The following RDH16 variants were observed in gnomAD, a reference collection of about 807,000 sequenced individuals.
RDH16 encodes the protein human epidermal retinol dehydrogenase.
In RDH16, 25 loss-of-function variants were observed where a neutral mutation model predicts 22.3. That is an observed-to-expected ratio of 1.12 (90% CI 0.82 to 1.56). RDH16 has a LOEUF of 1.56. Ranked by LOEUF, RDH16 falls within the 40% of genes most tolerant of loss-of-function variation. RDH16 has a pLI of 0.00. For missense variants in RDH16, 413 were observed against 394.9 expected (o/e 1.05, Z -0.39); for synonymous variants, 154 against 164.4 (o/e 0.94, Z 0.48).
chr12:56,955,861 C>A (rs760446909), intron 1 of RDH16, among the ~76,000 whole-genome samples: 7 of 152,158 alleles, frequency 4.6e-5, no homozygotes, highest in Non-Finnish European at 8.8e-5. Context: ...CAGAAAATGT[C>A]ACCCTCTCCT....
intron 2 of RDH16, 23 bp from the exon 3 acceptor site, chr12:56,953,013 G>A (rs760949091): frequency 3.2e-6 from 5 of 1,584,344 alleles, no homozygotes; most frequent in Non-Finnish European, 3.4e-6. Context: ...GAAGCAGAGG[G>A]GAAAAACTTC....
chr12:56,955,849 C>G (rs577564987), intron 1 of RDH16, among the ~76,000 whole-genome samples: 1 of 152,236 alleles, frequency 6.6e-6, no homozygotes, highest in East Asian at 1.9e-4. Context: ...CACCCTCTGC[C>G]CCAGAAAATG....
At position 56,952,196 on chromosome 12, in the gene RDH16, A is replaced by G. The variant is rs770370819; in HGVS notation, c.787T>C (p.Leu263=). ...MEQKCTQDLS[L]VTNCMEHALI... ...GCATGCTCCATGCAGTTGGTCACCA[A>G]CGACAGATCCTGTGTGCACTTCTGC... Residue 263 remains leucine, a synonymous_variant, in exon 4 of 4, where the codon TTG becomes CTG. Transcript: ENST00000398138. 9 of 1,614,086 alleles carry G rather than the reference A, an allele frequency of 5.6e-6. No homozygotes were observed. The African/African-American group carries it at 1.2e-4, about 22-fold the overall frequency.
rs760443742 is a variant in RDH16, at chr12:56,952,222, T to C, written c.761A>G (p.Glu254Gly). The C allele has an allele frequency of 4.3e-6, 7 of 1,613,956 alleles. No homozygotes were observed. The South Asian group carries it at 7.7e-5, about 18-fold the overall frequency. Residue 254 changes from glutamate to glycine, a missense_variant, in exon 4 of 4, where the codon GAG becomes GGG. Coordinates refer to ENST00000398138, the MANE Select transcript of RDH16 (RefSeq NM_003708.5). Reference protein sequence around the residue: ...ADYKKSAEQMEQKCTQDLSLV... With the variant: ...ADYKKSAEQMGQKCTQDLSLV... ...CGACAGATCCTGTGTGCACTTCTGC[T>C]CCATTTGTTCAGCTGATTTCTTATC... is the stretch of plus-strand genomic sequence containing the variant.
intron 2 of RDH16, among the ~76,000 whole-genome samples, chr12:56,953,495 A>T (rs1236491845): frequency 1.3e-5 from 2 of 152,206 alleles, no homozygotes; most frequent in African/African-American, 2.4e-5. Context: ...TCCCCTGAGC[A>T]AATCCCTTTT....
rs764532243 is a variant in RDH16, at chr12:56,952,929, C to T, written c.634G>A (p.Ala212Thr). Residue 212 changes from alanine to threonine, a missense_variant, in exon 3 of 4, where the codon GCT becomes ACT. Ala to Thr is a moderately conservative substitution (Grantham distance 58, BLOSUM62 0). Transcript: ENST00000398138. ...AAGAATCTCTCCTTACTGGTCACAG[C>T]AGTCTTGAAATAGCCAGGTTCAATC... ...AMIEPGYFKTAVTSKERFLKS... is the reference protein window; with the variant it reads ...AMIEPGYFKTTVTSKERFLKS... 15 of 1,613,972 alleles carry T rather than the reference C, an allele frequency of 9.3e-6. No homozygotes were observed. The highest frequency in any genetic ancestry group is 1.3e-5 in the African/African-American group (1 of 74,914).
intron 1 of RDH16, among the ~76,000 whole-genome samples, chr12:56,955,890 C>T (rs1955924321): frequency 6.6e-6 from 1 of 152,166 alleles, no homozygotes; most frequent in African/African-American, 2.4e-5. Context: ...ATCAGAAGCC[C>T]ACTCTTCATC....
At chr12:56,956,769 G>T (rs1185446055) in intron 1 of RDH16, among the ~76,000 whole-genome samples, 1 of 152,100 alleles carries the variant, frequency 6.6e-6, no homozygotes, top group African/African-American at 2.4e-5. Flanking sequence ...TCCAGCACAG[G>T]CACAGCCTCC....
rs369508470 is a variant in RDH16, at chr12:56,957,403, C to T, written c.60G>A (p.Glu20=). Residue 20 remains glutamate (E), a synonymous_variant, in exon 1 of 4, where the codon GAG becomes GAA. Transcript: ENST00000398138. ...GLYYLLHWYR[E]RQVLSHLRDK... ...CTCTCAGGTGGCTCAGCACCTGCCT[C>T]TCCCGGTACCAGTGCAGAAGGTAGT... 3 of 1,614,028 alleles carry T rather than the reference C, an allele frequency of 1.9e-6. No homozygotes were observed. The African/African-American group carries it at 4.0e-5, about 22-fold the overall frequency.
chr12:56,951,988 G>C lies in RDH16; in HGVS notation c.*41C>G. 1.9e-6 allele frequency: 3 copies of C among 1,578,796 alleles called. No homozygotes were observed. The highest frequency in any genetic ancestry group is 2.6e-6 in the Non-Finnish European group (3 of 1,149,270). On this transcript the variant is annotated 3_prime_UTR_variant, in exon 4 of 4. Transcript: ENST00000398138. ...TCCCAAGGATACACCACCCCTCATA[G>C]CACACCCCAAATCCATGCAACCATG...
intron 2 of RDH16, among the ~76,000 whole-genome samples, chr12:56,953,802 C>G (rs1955903899): frequency 6.6e-6 from 1 of 152,194 alleles, no homozygotes; most frequent in Admixed American, 6.5e-5. Context: ...CTCCAGGACT[C>G]TCCTCAACTC....
chr12:56,955,336 A>C (rs528604290), intron 1 of RDH16, among the ~76,000 whole-genome samples, 172 bp from the exon 2 acceptor site: 1 of 152,270 alleles, frequency 6.6e-6, no homozygotes, highest in African/African-American at 2.4e-5. Flanking sequence ...AGCATTCAGC[A>C]GCTGGTGGGC....
At chr12:56,952,679 C>G in intron 3 of RDH16, 148 bp downstream of exon 3, 1 of 962,610 alleles carries the variant, frequency 1.0e-6, no homozygotes, top group Non-Finnish European at 1.5e-6. Flanking sequence ...CCACACAGCA[C>G]CCATCATGGA....
chr12:56,957,450 G>C lies in RDH16; in HGVS notation c.13C>G (p.Leu5Val). The change falls in exon 1 of 4, where the codon CTG (leucine) becomes GTG (valine). Residue 5 changes from leucine (L) to valine (V), a missense_variant. Coordinates refer to ENST00000398138, the MANE Select transcript of RDH16 (RefSeq NM_003708.5). Reference protein sequence around the residue: MWLYLAVFVGLYYLL... With the variant: MWLYVAVFVGLYYLL... ...TAGTACAGGCCCACGAAAACCGCCAGGTAGAGCCACATGGCTTTGCAGAGG... is the reference window on the plus strand; with the variant it reads ...TAGTACAGGCCCACGAAAACCGCCACGTAGAGCCACATGGCTTTGCAGAGG... The C allele has an allele frequency of 6.2e-7, 1 of 1,611,348 alleles. No individual in the cohort carries two copies. Among genetic ancestry groups the C allele is most frequent in the South Asian group, 1.1e-5 (1 of 90,800 alleles).
rs375015081 is a variant in RDH16 at position 56,954,970 on chromosome 12, A to G, written c.508T>C (p.Ser170Pro). 5 of 1,614,016 alleles carry G rather than the reference A, an allele frequency of 3.1e-6. No individual in the cohort carries two copies. The highest frequency in any genetic ancestry group is 4.2e-6 in the Non-Finnish European group (5 of 1,180,018). Residue 170 changes from serine to proline, a missense_variant, in exon 2 of 4, where the codon TCA becomes CCA. Transcript: ENST00000398138. ...ATGCAGTAGCCTCCACCAAAAAGTG[A>G]CACCCGGCCCATGACACTGGAGACG... The part of the protein sequence containing the change: ...VNVSSVMGRV[S>P]LFGGGYCISK...
intron 3 of RDH16, among the ~76,000 whole-genome samples, chr12:56,952,600 G>A (rs553251081): frequency 6.6e-5 from 10 of 152,292 alleles, no homozygotes; most frequent in East Asian, 1.9e-4. Context: ...CCTCAGTAAC[G>A]ATGGGTTCAG....
intron 3 of RDH16, among the ~76,000 whole-genome samples, chr12:56,952,578 C>A (rs1955890910): frequency 6.6e-6 from 1 of 152,206 alleles, no homozygotes; most frequent in South Asian, 2.1e-4. Flanking sequence ...CCCTTTCTGG[C>A]TTCCCTTTGT....
Position 56,952,833 on chromosome 12 carries a change from C to A in RDH16, c.730G>T (p.Ala244Ser), listed in dbSNP as rs1955894392. The A allele has an allele frequency of 6.2e-7, 1 of 1,612,582 alleles. No individual in the cohort carries two copies. The highest frequency in any genetic ancestry group is 8.5e-7 in the Non-Finnish European group (1 of 1,179,428). ...VKEAYGEKFV[A>S]DYKKSAEQME... The stretch of plus-strand genomic sequence containing the variant: ...CTGTCCACAGCTTACTCACAGTCTG[C>A]AACAAACTTCTCGCCATAGGCCTCC... The change falls in exon 3 of 4, where the codon GCA becomes TCA. Residue 244 changes from alanine to serine, a missense_variant. Physicochemically the swap from Ala to Ser is moderately conservative, Grantham distance 99. Transcript: ENST00000398138.
At position 56,952,917 on chromosome 12, in the gene RDH16, T is replaced by A; in HGVS notation, c.646A>T (p.Lys216Ter). The A allele has an allele frequency of 6.2e-7, 1 of 1,614,088 alleles. No homozygotes were observed. The highest frequency in any genetic ancestry group is 8.5e-7 in the Non-Finnish European group (1 of 1,180,010). ...AGGAAGCTCTTTAAGAATCTCTCCT[T>A]ACTGGTCACAGCAGTCTTGAAATAG... ...PGYFKTAVTS[K>*]ERFLKSFLEI... Residue 216 changes from lysine to a stop codon, truncating the protein, a stop_gained, in exon 3 of 4, where the codon AAG (lysine) becomes TAG (stop). Coordinates refer to ENST00000398138, the MANE Select transcript of RDH16 (RefSeq NM_003708.5). LOFTEE classifies it high-confidence loss of function.
Sources: gnomAD v4.1 joint callset for allele counts (sites outside exome capture counted in the v4.1 genomes callset) on GRCh38, gnomAD v4.1.1 for gene constraint, MANE v1.5 for transcripts, NCBI Gene and HGNC (gene_info 2026-07-23, HGNC 2026-07-21) for gene names.